Variants in AP3S2 observed in about 807,000 individuals in gnomAD.
AP3S2 encodes adaptor related protein complex 3 subunit sigma 2.
Under a neutral mutation model 23.4 loss-of-function variants are expected in AP3S2, and 22 were observed. That is an observed-to-expected ratio of 0.94 (90% CI 0.67 to 1.34). The LOEUF (loss-of-function observed/expected upper bound fraction) is 1.34, where lower values mean the gene tolerates loss of function less well. Among genes scored for constraint, AP3S2 ranks in the 40% most tolerant of loss-of-function variants. The pLI, the probability that AP3S2 is intolerant of heterozygous loss-of-function variation, is 0.00. For synonymous variants in AP3S2, 86 were observed against 87.1 expected, an observed-to-expected ratio of 0.99 and a Z score of 0.07; for missense variants, 241 against 236.9, an observed-to-expected ratio of 1.02 and a Z score of -0.11.
intron 4 of AP3S2, among the ~76,000 whole-genome samples, chr15:89,866,118 C>T (rs1896111733): frequency 1.3e-5 from 2 of 151,862 alleles, no homozygotes; most frequent in East Asian, 1.9e-4. Flanking sequence ...AAAAATTAGC[C>T]GGGCATGGTG....
chr15:89,888,680 A>T (rs1280837950), intron 2 of AP3S2, 48 bp from the exon 3 acceptor site: 2 of 1,560,726 alleles, frequency 1.3e-6, no homozygotes, highest in Non-Finnish European at 1.8e-6. Flanking sequence ...AATTAAACAC[A>T]TCAAAAAGAA....
chr15:89,851,569 C>T (rs1477925633), intron 4 of AP3S2, among the ~76,000 whole-genome samples: 1 of 152,066 alleles, frequency 6.6e-6, no homozygotes, highest in Non-Finnish European at 1.5e-5. Context: ...GAACTCCTGA[C>T]CTTGTGATCT....
chr15:89,837,348 A>G lies in AP3S2; in HGVS notation c.453+267T>C, dbSNP rs565928843. On this transcript the variant is annotated intron_variant, in intron 5 of 5. Transcript: ENST00000336418. ...CCACAAACATGGGCCATAACCCCCA[A>G]GCCAGAAGCTGTTTGCCTTCCTCTG... Among the ~76,000 whole-genome samples, 23 of 152,316 alleles carry G rather than the reference A, an allele frequency of 1.5e-4. No individual in the cohort carries two copies. The South Asian group carries it at 2.7e-3, about 18-fold the overall frequency.
At chr15:89,858,791 G>C (rs1011823664) in intron 4 of AP3S2, among the ~76,000 whole-genome samples, 5 of 152,028 alleles carry the variant, frequency 3.3e-5, no homozygotes, top group African/African-American at 1.2e-4. Context: ...TACTGAAAAC[G>C]GCTGCATATC....
intron 4 of AP3S2, among the ~76,000 whole-genome samples, chr15:89,842,839 T>C (rs1408505662): frequency 6.6e-6 from 1 of 152,136 alleles, no homozygotes; most frequent in Non-Finnish European, 1.5e-5. Flanking sequence ...TCTGCATCTC[T>C]TGACCTTGTG....
intron 4 of AP3S2, among the ~76,000 whole-genome samples, chr15:89,839,392 C>T (rs1214925311): frequency 6.6e-6 from 1 of 152,194 alleles, no homozygotes; most frequent in African/African-American, 2.4e-5. Flanking sequence ...TGTCTACACA[C>T]ACGCACACAC....
intron 3 of AP3S2, among the ~76,000 whole-genome samples, chr15:89,880,476 C>T (rs890972905): frequency 6.6e-6 from 1 of 151,928 alleles, no homozygotes; most frequent in Non-Finnish European, 1.5e-5. Context: ...AGTTTGAGAC[C>T]AGCCTGGTCA....
chr15:89,835,412 G>T lies in AP3S2; in HGVS notation c.*103C>A. ...AGACACAAAGTTTCCAGGTCCTGAG[G>T]CTTGACTCTTCTAAGGCTCAAAATG... On this transcript the variant is annotated 3_prime_UTR_variant, in exon 6 of 6. Transcript: ENST00000336418. The T allele has an allele frequency of 4.5e-6, 7 of 1,545,874 alleles. No homozygotes were observed. In the East Asian group the frequency reaches 9.0e-5, roughly 20 times the overall value.
At chr15:89,836,276 T>C (rs1394352861) in intron 5 of AP3S2, among the ~76,000 whole-genome samples, 1 of 152,160 alleles carries the variant, frequency 6.6e-6, no homozygotes, top group Non-Finnish European at 1.5e-5. Context: ...TGGCACATGG[T>C]GGGTACCCAA....
rs1365860724 is a variant in AP3S2 at position 89,869,296 on chromosome 15, T to C, written c.345+2179A>G. Among the ~76,000 whole-genome samples the C allele has an allele frequency of 6.9e-5, 10 of 145,666 alleles. No individual in the cohort carries two copies. In the East Asian group the frequency reaches 1.2e-3, roughly 17 times the overall value. Reference sequence around the variant, plus strand: ...CCCCAACCCTGTGCTCTCTGAAACATGTGCTGTGTCCACTCAGGGTTAAAT... The same window carrying C: ...CCCCAACCCTGTGCTCTCTGAAACACGTGCTGTGTCCACTCAGGGTTAAAT... On this transcript the variant is annotated intron_variant, in intron 4 of 5. Coordinates refer to ENST00000336418, the MANE Select transcript of AP3S2 (RefSeq NM_005829.5).
At chr15:89,843,294 T>C (rs1314206733) in intron 4 of AP3S2, among the ~76,000 whole-genome samples, 12 of 151,584 alleles carry the variant, frequency 7.9e-5, no homozygotes, top group Admixed American at 7.9e-4. Flanking sequence ...AAGTATTTCT[T>C]AAGGAATCTA....
At chr15:89,885,956 ATC>A (rs1448184651) in intron 3 of AP3S2, among the ~76,000 whole-genome samples, 1 of 138,886 alleles carries the variant, frequency 7.2e-6, no homozygotes, top group Non-Finnish European at 1.6e-5. Flanking sequence ...AAAAAAAAAA[ATC>A]AAACTTTTTA....
Position 89,889,155 on chromosome 15 carries a change from G to T in AP3S2, c.70-15C>A, listed in dbSNP as rs746399967. On this transcript the variant is annotated splice_polypyrimidine_tract_variant and intron_variant, in intron 1 of 5. Transcript: ENST00000336418. ...ATTTCTTCTGGCTATGAAACAAAAA[G>T]ATAAGTGAATCAGTGGGCAAGCCTG... 6.2e-7 allele frequency: 1 copy of T among 1,614,056 alleles called. No homozygotes were observed. Among genetic ancestry groups the T allele is most frequent in the South Asian group, 1.1e-5 (1 of 91,078 alleles).
chr15:89,862,783 AT>A (rs1443309486), intron 4 of AP3S2, among the ~76,000 whole-genome samples: 1 of 152,192 alleles, frequency 6.6e-6, no homozygotes. Flanking sequence ...TGAGAATGAC[AT>A]TAGGGAGAAA....
chr15:89,858,030 A>C (rs1285058680), intron 4 of AP3S2, among the ~76,000 whole-genome samples: 3 of 152,236 alleles, frequency 2.0e-5, no homozygotes, highest in Non-Finnish European at 4.4e-5. Context: ...AGCACGAGTG[A>C]AAAAATAAAC....
chr15:89,877,938 G>A (rs189954032), intron 3 of AP3S2, among the ~76,000 whole-genome samples: 63 of 152,126 alleles, frequency 4.1e-4, no homozygotes, highest in Admixed American at 1.0e-3. Flanking sequence ...TGTTAGACTC[G>A]CTTTCACTAA....
intron 4 of AP3S2, among the ~76,000 whole-genome samples, chr15:89,870,889 T>A (rs1014371336): frequency 2.6e-5 from 4 of 152,240 alleles, no homozygotes; most frequent in Admixed American, 2.6e-4. Flanking sequence ...CAAGTTTAAT[T>A]TGGCATATGA....
At chr15:89,874,313 T>A (rs937547929) in intron 3 of AP3S2, among the ~76,000 whole-genome samples, 5 of 152,206 alleles carry the variant, frequency 3.3e-5, no homozygotes, top group African/African-American at 9.7e-5. Flanking sequence ...TCATGGATAT[T>A]TCTTGCCCAC....
chr15:89,840,693 G>T (rs1056953292), intron 4 of AP3S2, among the ~76,000 whole-genome samples: 1 of 152,154 alleles, frequency 6.6e-6, no homozygotes, highest in East Asian at 1.9e-4. Context: ...CTCCCAAAGT[G>T]CTGAGATTAC....
Sources: gnomAD v4.1 joint callset for allele counts (sites outside exome capture counted in the v4.1 genomes callset) on GRCh38, gnomAD v4.1.1 for gene constraint, MANE v1.5 for transcripts, NCBI Gene and HGNC (gene_info 2026-07-23, HGNC 2026-07-21) for gene names.